The following MPHOSPH8 variants were observed in gnomAD, a reference collection of about 807,000 sequenced individuals.
MPHOSPH8 encodes the protein M-phase phosphoprotein, mpp.
MPHOSPH8 carries 45 observed loss-of-function variants against 87.3 expected under a neutral mutation model. The ratio of observed to expected loss-of-function variants is 0.52; its 90% CI spans 0.41 to 0.66. The LOEUF is 0.66. Among genes scored for constraint, MPHOSPH8 ranks in the 30% least tolerant of loss-of-function variants. The probability of loss-of-function intolerance (pLI) is 0.00; values close to 1 mark genes in which losing one functional copy is unlikely to be tolerated. For synonymous variants in MPHOSPH8, 366 were observed against 376.9 expected (o/e 0.97, Z 0.33); for missense variants, 883 against 1,020.2 (o/e 0.87, Z 1.83).
At chr13:19,655,629 T>C (rs910644262) in intron 5 of MPHOSPH8, among the ~76,000 whole-genome samples, 1 of 152,180 alleles carries the variant, frequency 6.6e-6, no homozygotes, top group African/African-American at 2.4e-5. Context: ...AGTGATCCAC[T>C]TGCCTCAGCC....
intron 1 of MPHOSPH8, among the ~76,000 whole-genome samples, chr13:19,640,177 G>A (rs1408311703): frequency 2.0e-5 from 3 of 152,106 alleles, no homozygotes. Context: ...CCCATTAGCT[G>A]TGTGATCTTT....
chr13:19,662,022 A>G (rs1875563859), intron 8 of MPHOSPH8, among the ~76,000 whole-genome samples, 184 bp downstream of exon 8: 1 of 151,650 alleles, frequency 6.6e-6, no homozygotes, highest in African/African-American at 2.4e-5. Context: ...GCTCACTGCA[A>G]GCTCCACCTC....
rs76594897 is a variant in MPHOSPH8 at position 19,673,211 on chromosome 13, T to C, written c.*1336T>C. ...GTCAGCTGTGTGGGAGCCACCACCCTCTCTGGGAAGAGTTCCTGCTTCTGT... is the reference window on the plus strand; with the variant it reads ...GTCAGCTGTGTGGGAGCCACCACCCCCTCTGGGAAGAGTTCCTGCTTCTGT... On this transcript the variant is annotated 3_prime_UTR_variant, in exon 14 of 14. Transcript: ENST00000361479. The C allele has an allele frequency of 2.3e-6, 1 of 431,284 alleles. No homozygotes were observed. The allele number at this position is 431,284 out of a possible 1,614,324, so 26.7% of individuals were successfully genotyped here. A position where few individuals can be genotyped will look rare whatever the true frequency, so the allele number is the denominator to read the frequency against.
Position 19,661,690 on chromosome 13 carries a change from C to T in MPHOSPH8, c.1792-8C>T, listed in dbSNP as rs772891145. The T allele has an allele frequency of 1.3e-6, 2 of 1,584,600 alleles. No individual in the cohort carries two copies. The highest frequency in any genetic ancestry group is 1.7e-6 in the Non-Finnish European group (2 of 1,162,066). On this transcript the variant is annotated splice_polypyrimidine_tract_variant and splice_region_variant and intron_variant, in intron 7 of 13. Transcript: ENST00000361479. Reference sequence around the variant, plus strand: ...TTAACACGTTTTTTATTTAACAAACCAACACAGGATTCCAGTGGAATGACA... The same window carrying T: ...TTAACACGTTTTTTATTTAACAAACTAACACAGGATTCCAGTGGAATGACA...
At chr13:19,636,027 T>C (rs1185903094) in intron 1 of MPHOSPH8, among the ~76,000 whole-genome samples, 1 of 152,208 alleles carries the variant, frequency 6.6e-6, no homozygotes, top group African/African-American at 2.4e-5. Flanking sequence ...CCTTCCGCCA[T>C]GATTATAAGT....
intron 7 of MPHOSPH8, chr13:19,659,682 T>G (rs1471225255): frequency 2.4e-6 from 1 of 425,240 alleles, no homozygotes; most frequent in East Asian, 7.1e-5. Flanking sequence ...AAAAAAATAA[T>G]GCACGTTCAC....
intron 1 of MPHOSPH8, among the ~76,000 whole-genome samples, chr13:19,641,136 T>C (rs897990621): frequency 3.9e-5 from 6 of 152,136 alleles, no homozygotes; most frequent in African/African-American, 1.4e-4. Context: ...ATCAATAATA[T>C]ACTGTTTTTT....
intron 5 of MPHOSPH8, among the ~76,000 whole-genome samples, chr13:19,651,180 G>T (rs144426775): frequency 1.6e-4 from 25 of 152,332 alleles, no homozygotes; most frequent in Non-Finnish European, 2.4e-4. Context: ...ATTACAGGTT[G>T]TGTACAGATT....
chr13:19,646,770 G>T lies in MPHOSPH8; in HGVS notation c.697G>T (p.Gly233Cys). 6.3e-7 allele frequency: 1 copy of T among 1,578,370 alleles called. No individual in the cohort carries two copies. Among genetic ancestry groups the T allele is most frequent in the African/African-American group, 1.4e-5 (1 of 72,714 alleles). Reference sequence around the variant, plus strand: ...AAAAGAATTAAAGAAAGTTAAAAAGGGTGAAATAAGAGATTTAAAGACGAA... The same window carrying T: ...AAAAGAATTAAAGAAAGTTAAAAAGTGTGAAATAAGAGATTTAAAGACGAA... ...ETKELKKVKK[G>C]EIRDLKTKTR... Residue 233 changes from glycine to cysteine, a missense_variant, in exon 3 of 14, where the codon GGT becomes TGT. Gly to Cys is a radical substitution (Grantham distance 159, BLOSUM62 -3). Coordinates refer to ENST00000361479, the MANE Select transcript of MPHOSPH8 (RefSeq NM_017520.4).
chr13:19,663,088 A>C lies in MPHOSPH8; in HGVS notation c.1981A>C (p.Asn661His), dbSNP rs1791857360. ...TCTTTTGGAAGCAGGAGCTTTTGTA[A>C]ATGTCCAGCAAAGCAATGGTGAGAC... is the stretch of plus-strand genomic sequence containing the variant. The part of the protein sequence containing the change: ...AILLEAGAFV[N>H]VQQSNGETAL... Residue 661 changes from asparagine (N) to histidine (H), a missense_variant, in exon 9 of 14, where the codon AAT becomes CAT. Asn to His is a moderately conservative substitution (Grantham distance 68). Coordinates refer to ENST00000361479, the MANE Select transcript of MPHOSPH8 (RefSeq NM_017520.4). 5 of 1,614,066 alleles carry C rather than the reference A, an allele frequency of 3.1e-6. No homozygotes were observed. The highest frequency in any genetic ancestry group is 3.4e-6 in the Non-Finnish European group (4 of 1,179,900).
At chr13:19,671,341 A>T (rs900212936) in intron 13 of MPHOSPH8, 52 bp downstream of exon 13, 1 of 1,519,548 alleles carries the variant, frequency 6.6e-7, no homozygotes, top group Non-Finnish European at 9.1e-7. Context: ...GTTGCTCCAG[A>T]TTACTTTATC....
chr13:19,656,114 A>G (rs1875151091), intron 5 of MPHOSPH8, among the ~76,000 whole-genome samples: 1 of 149,794 alleles, frequency 6.7e-6, no homozygotes, highest in Non-Finnish European at 1.5e-5. Flanking sequence ...CAACAACGTA[A>G]TAAAATAAAA....
At position 19,663,198 on chromosome 13, in the gene MPHOSPH8, C is replaced by T. The variant is rs1216799264; in HGVS notation, c.2019+72C>T. 4 of 1,304,776 alleles carry T rather than the reference C, an allele frequency of 3.1e-6. No homozygotes were observed. The African/African-American group carries it at 4.4e-5, about 14-fold the overall frequency. 80.8% of individuals were successfully genotyped at this position (1,304,776 alleles called of 1,614,324 possible). On this transcript the variant is annotated intron_variant, in intron 9 of 13. Transcript: ENST00000361479. ...TGCTCGTGTTGGCATCTGCCACTGC[C>T]AGGCACTGTGCTGGGGACTGAGAAC...
intron 9 of MPHOSPH8, among the ~76,000 whole-genome samples, chr13:19,664,982 C>G (rs2137538736): frequency 6.6e-6 from 1 of 152,124 alleles, no homozygotes; most frequent in African/African-American, 2.4e-5. Flanking sequence ...GGAAGTGGTC[C>G]ACGGGCTGGC....
intron 1 of MPHOSPH8, among the ~76,000 whole-genome samples, chr13:19,634,635 GC>G (rs1873895786): frequency 6.6e-6 from 1 of 152,114 alleles, no homozygotes; most frequent in African/African-American, 2.4e-5. Flanking sequence ...CTCTGGGAAA[GC>G]TTTTTTTGAC....
intron 9 of MPHOSPH8, among the ~76,000 whole-genome samples, chr13:19,665,352 C>G (rs558741108): frequency 2.8e-4 from 42 of 152,158 alleles, no homozygotes; most frequent in Non-Finnish European, 5.0e-4. Flanking sequence ...ACCTTTTTAT[C>G]TGAGGAGAAA....
At position 19,644,056 on chromosome 13, in the gene MPHOSPH8, T is replaced by G. The variant is rs553122281; in HGVS notation, c.369+1786T>G. On this transcript the variant is annotated intron_variant, in intron 2 of 13. Coordinates refer to ENST00000361479, the MANE Select transcript of MPHOSPH8 (RefSeq NM_017520.4). Reference sequence around the variant, plus strand: ...CTATTTGATAAAGTTCCACATTCATTTGTAGTTCTTTTTGTTCTTAGAATA... The same window carrying G: ...CTATTTGATAAAGTTCCACATTCATGTGTAGTTCTTTTTGTTCTTAGAATA... 2.0e-5 allele frequency among the ~76,000 whole-genome samples: 3 copies of G among 152,358 alleles called. No individual in the cohort carries two copies. The South Asian group carries it at 6.2e-4, about 32-fold the overall frequency.
At chr13:19,647,851 GT>G in intron 3 of MPHOSPH8, among the ~76,000 whole-genome samples, 1 of 152,000 alleles carries the variant, frequency 6.6e-6, no homozygotes, top group East Asian at 1.9e-4. Context: ...ATTATTTCCA[GT>G]TTTGGGAATG....
At chr13:19,641,132 A>T (rs1157052749) in intron 1 of MPHOSPH8, among the ~76,000 whole-genome samples, 1 of 152,122 alleles carries the variant, frequency 6.6e-6, no homozygotes, top group African/African-American at 2.4e-5. Context: ...ACAGATCAAT[A>T]ATATACTGTT....
Sources: allele counts gnomAD v4.1 joint callset (sites outside exome capture counted in the v4.1 genomes callset), GRCh38; gene constraint gnomAD v4.1.1; transcripts MANE v1.5; gene names NCBI Gene and HGNC (gene_info 2026-07-23, HGNC 2026-07-21).